The following PATJ variants were observed in gnomAD, a reference collection of about 807,000 sequenced individuals.
The protein encoded by PATJ is PATJ crumbs cell polarity complex component, also known as inaD-like protein.
Under a neutral mutation model 224.9 loss-of-function variants are expected in PATJ, and 190 were observed. That is an observed-to-expected ratio of 0.84 (90% CI 0.75 to 0.95). PATJ has a LOEUF of 0.95. Among genes scored for constraint, PATJ ranks in the 40% least tolerant of loss-of-function variants. The probability of loss-of-function intolerance (pLI) is 0.00; values close to 1 mark genes in which losing one functional copy is unlikely to be tolerated. For synonymous variants in PATJ, 769 were observed against 820.3 expected (o/e 0.94, Z 1.07); for missense variants, 2,121 against 2,270.3 (o/e 0.93, Z 1.34).
At chr1:61,948,388 C>G (rs1344533069) in intron 27 of PATJ, among the ~76,000 whole-genome samples, 1 of 152,156 alleles carries the variant, frequency 6.6e-6, no homozygotes, top group Non-Finnish European at 1.5e-5. Flanking sequence ...ACAACCCCAT[C>G]AAAAAGTGGG....
chr1:62,095,968 T>A (rs936591896), intron 33 of PATJ, among the ~76,000 whole-genome samples: 11 of 151,670 alleles, frequency 7.3e-5, no homozygotes, highest in African/African-American at 2.4e-4. Context: ...TGAACACAGC[T>A]TATCTACACA....
intron 29 of PATJ, among the ~76,000 whole-genome samples, chr1:62,037,755 T>TA (rs1454583358): frequency 2.6e-5 from 4 of 152,300 alleles, no homozygotes; most frequent in Non-Finnish European, 5.9e-5. Flanking sequence ...TTGTCACTAA[T>TA]AATTGCATCT....
intron 15 of PATJ, among the ~76,000 whole-genome samples, chr1:61,826,841 T>C (rs1217285872): frequency 6.6e-6 from 1 of 152,186 alleles, no homozygotes; most frequent in Non-Finnish European, 1.5e-5. Context: ...ATAGAAGTTA[T>C]TTTTCTAGGA....
intron 27 of PATJ, among the ~76,000 whole-genome samples, chr1:61,949,341 T>G (rs1392275815): frequency 6.6e-6 from 1 of 152,002 alleles, no homozygotes; most frequent in Non-Finnish European, 1.5e-5. Flanking sequence ...GCGATTGGGT[T>G]TGATGGAATT....
intron 14 of PATJ, among the ~76,000 whole-genome samples, chr1:61,821,022 G>A (rs1220985899): frequency 2.0e-5 from 3 of 152,028 alleles, no homozygotes; most frequent in African/African-American, 7.2e-5. Flanking sequence ...GCACAAGAGA[G>A]GGAACGGGAG....
chr1:62,001,523 G>A lies in PATJ; in HGVS notation c.3867+11159G>A, dbSNP rs1487939845. ...GTAGATATGCGGCGTTATTTCTGAG[G>A]GCTCTGTTCTGTTCCATTGATCTAT... is the stretch of plus-strand genomic sequence containing the variant. On this transcript the variant is annotated intron_variant, in intron 28 of 43. Transcript: ENST00000642238. Among the ~76,000 whole-genome samples, 13 of 150,578 alleles carry A rather than the reference G, an allele frequency of 8.6e-5. 1 individual carries two copies. The highest frequency in any genetic ancestry group is 8.6e-4 in the Admixed American group (13 of 15,138).
rs773276557 is a variant in PATJ, at chr1:62,149,128, C to CAA, written c.5378+756_5378+757dup. On this transcript the variant is annotated intron_variant, in intron 42 of 43. Transcript: ENST00000642238. ...GGGCAACAAGAGGGAAACTCCATCT[C>CAA]AAAAAAAAAAAAAAAAAAAGAGGAG... Among the ~76,000 whole-genome samples the CAA allele has an allele frequency of 2.7e-3, 161 of 60,388 alleles. 1 individual carries two copies. The highest frequency in any genetic ancestry group is 0.01 in the Middle Eastern group (1 of 100). 39.6% of individuals were successfully genotyped at this position (60,388 alleles called of 152,430 possible).
At chr1:62,040,801 A>G (rs4325166) in intron 30 of PATJ, among the ~76,000 whole-genome samples, 62,170 of 151,952 alleles carry the variant, frequency 0.41, 13,330 homozygotes, top group Middle Eastern at 0.52. Flanking sequence ...GACCTGATAC[A>G]TAGTTTTTAA....
chr1:62,157,105 C>T (rs1410824371), intron 43 of PATJ, among the ~76,000 whole-genome samples: 6 of 152,018 alleles, frequency 3.9e-5, no homozygotes, highest in Admixed American at 2.6e-4. Context: ...AGGCAGATCA[C>T]GTGAGGTCAG....
intron 14 of PATJ, among the ~76,000 whole-genome samples, chr1:61,812,766 T>C (rs1283782347): frequency 6.6e-6 from 1 of 151,874 alleles, no homozygotes; most frequent in African/African-American, 2.4e-5. Context: ...GGAGAATTGC[T>C]TGAACCTGGG....
At chr1:62,133,122 G>A (rs1044553006) in intron 41 of PATJ, among the ~76,000 whole-genome samples, 2 of 149,514 alleles carry the variant, frequency 1.3e-5, no homozygotes, top group African/African-American at 5.0e-5. Context: ...CACCAAGATA[G>A]TACATTTCAA....
intron 15 of PATJ, among the ~76,000 whole-genome samples, chr1:61,826,959 A>AT (rs1037513607): frequency 6.6e-6 from 1 of 152,172 alleles, no homozygotes; most frequent in Non-Finnish European, 1.5e-5. Flanking sequence ...TAAATTAAAC[A>AT]TTTTTTTAAC....
Position 61,990,193 on chromosome 1 carries a change from TCTGCCTGGAGAA to T in PATJ, c.3701_3712del (p.Pro1234_Leu1237del). 6.2e-7 allele frequency: 1 copy of T among 1,607,832 alleles called. No homozygotes were observed. The highest frequency in any genetic ancestry group is 8.5e-7 in the Non-Finnish European group (1 of 1,178,516). On this transcript the variant is annotated inframe_deletion, in exon 28 of 44. Transcript: ENST00000642238. Reference sequence around the variant, plus strand: ...AAAAAATCAGACAAAGATATGCAGATCTGCCTGGAGAACTGCACATTATTGAACTTGAAAAAG... The same window carrying T: ...AAAAAATCAGACAAAGATATGCAGATCTGCACATTATTGAACTTGAAAAAG...
chr1:61,744,764 T>C (rs1002161849), intron 1 of PATJ, among the ~76,000 whole-genome samples: 6 of 152,156 alleles, frequency 3.9e-5, no homozygotes, highest in African/African-American at 1.4e-4. Flanking sequence ...CTGGGGATAG[T>C]GTCAGATCCC....
intron 28 of PATJ, among the ~76,000 whole-genome samples, chr1:62,000,468 A>G (rs996520205): frequency 1.3e-5 from 2 of 150,058 alleles, no homozygotes; most frequent in Non-Finnish European, 2.9e-5. Context: ...TGTTCTTACG[A>G]TAGTTTACTG....
At position 61,749,064 on chromosome 1, in the gene PATJ, T is replaced by A. The variant is rs566569379; in HGVS notation, c.-36+6509T>A. ...CCATCTTGGCTCACTGCAACCTCCA[T>A]CTCCTGGGTTCAAGCAATTCTTCTG... On this transcript the variant is annotated intron_variant, in intron 1 of 43. Coordinates refer to ENST00000642238, the MANE Select transcript of PATJ (RefSeq NM_001350145.3). 5.9e-5 allele frequency among the ~76,000 whole-genome samples: 9 copies of A among 151,534 alleles called. No homozygotes were observed. The South Asian group carries it at 1.9e-3, about 32-fold the overall frequency.
chr1:61,810,309 T>A (rs1654452752), intron 14 of PATJ, among the ~76,000 whole-genome samples: 1 of 152,184 alleles, frequency 6.6e-6, no homozygotes, highest in South Asian at 2.1e-4. Context: ...TGTAGTTTAA[T>A]TTTAAATTAT....
In PATJ at chr1:62,144,771, A is replaced by AT. The variant is rs1439255158; in HGVS notation, c.5272-3513_5272-3512insT. 3.3e-3 allele frequency among the ~76,000 whole-genome samples: 244 copies of AT among 72,888 alleles called. 7 individuals carry two copies. Among genetic ancestry groups the AT allele is most frequent in the East Asian group, 0.014 (34 of 2,376 alleles). The allele number at this position is 72,888 out of a possible 152,430, so 47.8% of individuals were successfully genotyped here. On this transcript the variant is annotated intron_variant, in intron 41 of 43. Transcript: ENST00000642238. ...ATGCTCTAGAATGTTATTTGCAAAA[A>AT]AAAAAAATATATATATATATATATA... is the stretch of plus-strand genomic sequence containing the variant.
intron 1 of PATJ, among the ~76,000 whole-genome samples, chr1:61,748,171 T>G (rs1327869096): frequency 6.6e-6 from 1 of 150,768 alleles, no homozygotes; most frequent in Admixed American, 6.6e-5. Context: ...GAGCCACTGA[T>G]CTGAATATGT....
Sources: gnomAD v4.1 joint callset for allele counts (sites outside exome capture counted in the v4.1 genomes callset) on GRCh38, gnomAD v4.1.1 for gene constraint, MANE v1.5 for transcripts, NCBI Gene and HGNC (gene_info 2026-07-23, HGNC 2026-07-21) for gene names.